Variants in GALNT7 observed in about 807,000 individuals in gnomAD.
GALNT7 encodes polypeptide N-acetylgalactosaminyltransferase 7.
In GALNT7, 60 loss-of-function variants were observed where a neutral mutation model predicts 82.1. The ratio of observed to expected loss-of-function variants is 0.73; its 90% CI spans 0.59 to 0.91. The LOEUF is 0.91. GALNT7 is among the 40% of genes least tolerant of loss of function. The pLI, the probability that GALNT7 is intolerant of heterozygous loss-of-function variation, is 0.00. For synonymous variants in GALNT7, 243 were observed against 275.1 expected (o/e 0.88, Z 1.15); for missense variants, 660 against 804.2 (o/e 0.82, Z 2.17).
chr4:173,288,282 CAAAAAAAAAA>C (rs70944442), intron 2 of GALNT7, among the ~76,000 whole-genome samples: 4 of 63,000 alleles, frequency 6.3e-5, no homozygotes, highest in East Asian at 4.3e-4. Context: ...GACTCCATCT[CAAAAAAAAAA>C]AAAAAAAAAA....
At chr4:173,265,228 A>G (rs1052423154) in intron 2 of GALNT7, among the ~76,000 whole-genome samples, 3 of 152,154 alleles carry the variant, frequency 2.0e-5, no homozygotes, top group African/African-American at 7.2e-5. Context: ...TTTCCAGGAT[A>G]TAATCCTGTT....
intron 7 of GALNT7, among the ~76,000 whole-genome samples, chr4:173,303,398 T>C (rs1004175139): frequency 3.9e-5 from 6 of 152,010 alleles, no homozygotes; most frequent in Admixed American, 3.9e-4. Flanking sequence ...TCAAGCAACA[T>C]GAATAAGGAA....
chr4:173,182,984 A>G (rs942115330), intron 1 of GALNT7, among the ~76,000 whole-genome samples: 5 of 144,766 alleles, frequency 3.5e-5, no homozygotes, highest in African/African-American at 1.3e-4. Flanking sequence ...CTTTTAAATT[A>G]AAGATAACCA....
intron 1 of GALNT7, among the ~76,000 whole-genome samples, chr4:173,230,727 G>A (rs1436716398): frequency 1.3e-5 from 2 of 152,128 alleles, no homozygotes; most frequent in Non-Finnish European, 1.5e-5. Flanking sequence ...TACTCTGTGA[G>A]GGGTTTTCTC....
At position 173,302,137 on chromosome 4, in the gene GALNT7, TG is replaced by T; in HGVS notation, c.1241del (p.Gly414ValfsTer49). On this transcript the variant is annotated frameshift_variant, in exon 7 of 12. Transcript: ENST00000265000. LOFTEE classifies it high-confidence loss of function. This position sits in a 1 kb window ranked among gnomAD's most constrained non-coding sequence, Gnocchi z 4.2. Reference sequence around the variant, plus strand: ...ATGATCCAGGTCTCCAGATTTGGGGTGGTGAAAACTTTGAGATCTCATACAA... The same window carrying T: ...ATGATCCAGGTCTCCAGATTTGGGGTGTGAAAACTTTGAGATCTCATACAA... ...LYDPGLQIWG[G>X]ENFEISYKIW... 6.5e-7 allele frequency: 1 copy of T among 1,545,748 alleles called. No homozygotes were observed. The highest frequency in any genetic ancestry group is 8.9e-7 in the Non-Finnish European group (1 of 1,117,896).
intron 1 of GALNT7, among the ~76,000 whole-genome samples, chr4:173,173,303 C>T (rs1424479750): frequency 6.7e-6 from 1 of 150,144 alleles, no homozygotes; most frequent in African/African-American, 2.5e-5. Context: ...TTAAGATTAT[C>T]TGCTTGGACT....
chr4:173,271,912 T>C (rs983494791), intron 2 of GALNT7, among the ~76,000 whole-genome samples: 5 of 152,238 alleles, frequency 3.3e-5, no homozygotes, highest in African/African-American at 1.2e-4. Flanking sequence ...TATGATCTGC[T>C]GCATGGATGA....
intron 2 of GALNT7, among the ~76,000 whole-genome samples, chr4:173,256,482 A>G (rs1033424933): frequency 3.3e-5 from 5 of 152,042 alleles, no homozygotes; most frequent in Admixed American, 3.3e-4. Flanking sequence ...CAAAGTTCCT[A>G]AAGTTTGTGT....
chr4:173,275,107 T>C (rs1735853629), intron 2 of GALNT7, among the ~76,000 whole-genome samples: 1 of 152,182 alleles, frequency 6.6e-6, no homozygotes, highest in Admixed American at 6.5e-5. Flanking sequence ...GAGCATAACT[T>C]TCTCATTTTT....
In GALNT7 at chr4:173,317,655, T is replaced by C; in HGVS notation, c.1630T>C (p.Tyr544His). The change falls in exon 10 of 12, where the codon TAC becomes CAC. Residue 544 changes from tyrosine (Y) to histidine (H), a missense_variant. By Grantham distance (83) the Tyr-to-His change is moderately conservative. Around this residue, in one of 2 missense-constraint regions of GALNT7, gnomAD observed 527 missense variants for 683.5 expected, o/e 0.77. Transcript: ENST00000265000. ...WGEIRGFETA[Y>H]CIDSMGKTNG... is the part of the protein sequence containing the mutation. ...TTAGATCAGAGGCTTCGAAACTGCT[T>C]ACTGCATTGATAGCATGGGAAAAAC... 1 of 1,611,564 alleles carries C rather than the reference T, an allele frequency of 6.2e-7. No homozygotes were observed. The highest frequency in any genetic ancestry group is 8.5e-7 in the Non-Finnish European group (1 of 1,177,794).
At position 173,182,946 on chromosome 4, in the gene GALNT7, A is replaced by T. The variant is rs574329972; in HGVS notation, c.126+13985A>T. ...ATAATACACACACACACACACACAC[A>T]CTCTGCTTTTTCTCTATGTACCTGA... On this transcript the variant is annotated intron_variant, in intron 1 of 11. Coordinates refer to ENST00000265000, the MANE Select transcript of GALNT7 (RefSeq NM_017423.3). Among the ~76,000 whole-genome samples, 6 of 149,968 alleles carry T rather than the reference A, an allele frequency of 4.0e-5. No homozygotes were observed. The East Asian group carries it at 5.9e-4, about 15-fold the overall frequency.
At chr4:173,192,484 C>T (rs1732656255) in intron 1 of GALNT7, among the ~76,000 whole-genome samples, 1 of 152,132 alleles carries the variant, frequency 6.6e-6, no homozygotes, top group Non-Finnish European at 1.5e-5. Context: ...TATGTGGATC[C>T]TCCCTACTTC....
At chr4:173,318,788 T>A (rs1737699353) in intron 11 of GALNT7, 2 of 354,646 alleles carry the variant, frequency 5.6e-6, no homozygotes, top group South Asian at 7.2e-5. Flanking sequence ...GAGGCCACGA[T>A]GATGTCTATA....
intron 2 of GALNT7, among the ~76,000 whole-genome samples, chr4:173,259,602 T>C (rs963233118): frequency 2.6e-5 from 4 of 152,142 alleles, no homozygotes; most frequent in Non-Finnish European, 5.9e-5. Flanking sequence ...TCTTGAATTA[T>C]CCTCCTTATT....
At chr4:173,300,720 T>G (rs1187621618) in intron 6 of GALNT7, among the ~76,000 whole-genome samples, 1 of 151,832 alleles carries the variant, frequency 6.6e-6, no homozygotes, top group East Asian at 1.9e-4. Context: ...GTGATTAGCC[T>G]TGAGCAGGGG....
chr4:173,223,878 T>C (rs79121832), intron 1 of GALNT7, among the ~76,000 whole-genome samples: 2,364 of 152,322 alleles, frequency 0.016, 38 homozygotes, highest in African/African-American at 0.032. Flanking sequence ...AAAACATTAT[T>C]GATAAAAATA....
At chr4:173,178,303 A>G (rs1732136989) in intron 1 of GALNT7, among the ~76,000 whole-genome samples, 2 of 152,094 alleles carry the variant, frequency 1.3e-5, no homozygotes, top group Admixed American at 1.3e-4. Context: ...TTAAAAAAAC[A>G]ATAGCAAAAC....
At chr4:173,214,137 G>T (rs1733366542) in intron 1 of GALNT7, among the ~76,000 whole-genome samples, 1 of 151,940 alleles carries the variant, frequency 6.6e-6, no homozygotes, top group African/African-American at 2.4e-5. Context: ...ACAACCCAGT[G>T]TTGTTATTAT....
chr4:173,246,812 T>TC (rs1482815235), intron 1 of GALNT7, among the ~76,000 whole-genome samples: 1 of 152,178 alleles, frequency 6.6e-6, no homozygotes, highest in Admixed American at 6.5e-5. Flanking sequence ...AAGATTTTGG[T>TC]CGGGTGGTGC....
Sources: gnomAD v4.1 joint callset for allele counts (sites outside exome capture counted in the v4.1 genomes callset) on GRCh38, gnomAD v4.1.1 for gene constraint, gnomAD v4.1.1 regional missense constraint, Gnocchi (gnomAD v3.1) non-coding constraint, MANE v1.5 for transcripts, NCBI Gene and HGNC (gene_info 2026-07-23, HGNC 2026-07-21) for gene names.